Variants in FIGN observed in about 807,000 individuals in gnomAD.
FIGN encodes fidgetin, microtubule severing factor, also known as fidgetin.
FIGN carries 11 observed loss-of-function variants against 51.3 expected under a neutral mutation model. That is an observed-to-expected ratio of 0.21 (90% CI 0.13 to 0.35). The LOEUF is 0.35. FIGN is among the 10% of genes least tolerant of loss of function. The pLI, the probability that FIGN is intolerant of heterozygous loss-of-function variation, is 1.00. For missense variants in FIGN, 857 were observed against 943.6 expected (o/e 0.91, Z 1.20); for synonymous variants, 407 against 363.2 (o/e 1.12, Z -1.37).
chr2:163,733,228 G>A lies in FIGN; in HGVS notation c.25+1675C>T, dbSNP rs1684960023. Among the ~76,000 whole-genome samples the A allele has an allele frequency of 2.0e-5, 3 of 152,086 alleles. 1 individual carries two copies. Among genetic ancestry groups the A allele is most frequent in the Admixed American group, 1.3e-4 (2 of 15,270 alleles). The stretch of plus-strand genomic sequence containing the variant: ...TGACTATTATTTAATAGTAAGCAGA[G>A]ACTTAAGAGGGGGGCAATTTACACA... On this transcript the variant is annotated intron_variant, in intron 2 of 2. Transcript: ENST00000333129.
At chr2:163,720,132 C>G (rs1684733468) in intron 2 of FIGN, among the ~76,000 whole-genome samples, 1 of 152,204 alleles carries the variant, frequency 6.6e-6, no homozygotes, top group African/African-American at 2.4e-5. Flanking sequence ...CAGAATAAGC[C>G]AAGCCCCGTT....
intron 2 of FIGN, among the ~76,000 whole-genome samples, chr2:163,667,472 G>A (rs1390466839): frequency 2.0e-5 from 3 of 151,958 alleles, no homozygotes; most frequent in African/African-American, 7.2e-5. Flanking sequence ...AACCCCTTCT[G>A]TCCAAGGCCT....
rs1691201706 is a variant in FIGN, at chr2:163,610,037, G to A, written c.1795C>T (p.His599Tyr). 3 of 1,613,992 alleles carry A rather than the reference G, an allele frequency of 1.9e-6. No homozygotes were observed. The highest frequency in any genetic ancestry group is 4.5e-5 in the East Asian group (2 of 44,868). ...GTTCTCATCCGACTGACTGGACTAT[G>A]TTCCTCATTCACTTGAGAGGAGAGA... is the stretch of plus-strand genomic sequence containing the variant. ...MLLSSQVNEE[H>Y]SPVSRMRTEF... Residue 599 changes from histidine (H) to tyrosine (Y), a missense_variant, in exon 3 of 3, where the codon CAT (histidine) becomes TAT (tyrosine). Around this residue, in one of 3 missense-constraint regions of FIGN, gnomAD observed 799 missense variants for 849.5 expected, o/e 0.94. Coordinates refer to ENST00000333129, the MANE Select transcript of FIGN (RefSeq NM_018086.4).
At chr2:163,719,233 G>A (rs985350663) in intron 2 of FIGN, among the ~76,000 whole-genome samples, 1 of 152,174 alleles carries the variant, frequency 6.6e-6, no homozygotes, top group African/African-American at 2.4e-5. Context: ...TATTTCTTAA[G>A]TGAATAAAAA....
chr2:163,663,618 C>G (rs1429077035), intron 2 of FIGN, among the ~76,000 whole-genome samples: 1 of 151,622 alleles, frequency 6.6e-6, no homozygotes, highest in African/African-American at 2.4e-5. Context: ...CACGGTGGCT[C>G]ACACCTGTAA....
At chr2:163,612,692 A>ATGTG (rs10678331) in intron 2 of FIGN, 62,319 of 384,982 alleles carry the variant, frequency 0.16, 7,477 homozygotes, top group Admixed American at 0.38. Context: ...AGAGGGGAGA[A>ATGTG]TGTGTGTGTG....
chr2:163,710,004 A>G (rs928580758), intron 2 of FIGN, among the ~76,000 whole-genome samples: 9 of 152,226 alleles, frequency 5.9e-5, no homozygotes, highest in Non-Finnish European at 8.8e-5. Flanking sequence ...ATTAAAACTA[A>G]TAAACAATTG....
chr2:163,616,970 G>T, intron 2 of FIGN: 1 of 358,372 alleles, frequency 2.8e-6, no homozygotes. Flanking sequence ...ACTGCAAACT[G>T]GCCCTGTGCA....
intron 2 of FIGN, among the ~76,000 whole-genome samples, chr2:163,660,726 T>G (rs1170276968): frequency 9.8e-6 from 1 of 102,402 alleles, no homozygotes; most frequent in African/African-American, 4.0e-5. Flanking sequence ...CATATATATG[T>G]ATACACATAT....
intron 2 of FIGN, among the ~76,000 whole-genome samples, chr2:163,692,609 T>C (rs2105346033): frequency 6.6e-6 from 1 of 152,334 alleles, no homozygotes; most frequent in East Asian, 1.9e-4. Context: ...AGGGTTTGAA[T>C]GTCTATTCCT....
At chr2:163,668,215 TA>T (rs1229508312) in intron 2 of FIGN, among the ~76,000 whole-genome samples, 1 of 152,094 alleles carries the variant, frequency 6.6e-6, no homozygotes, top group African/African-American at 2.4e-5. Context: ...AAATAGTATT[TA>T]AAGACACCAT....
intron 2 of FIGN, among the ~76,000 whole-genome samples, chr2:163,654,009 A>C (rs1323642739): frequency 2.0e-5 from 3 of 152,148 alleles, no homozygotes; most frequent in Non-Finnish European, 4.4e-5. Context: ...ATATGAATAT[A>C]AGGATAATTT....
rs1559012264 is a variant in FIGN, at chr2:163,660,725, GTATACA to G, written c.26-48925_26-48920del. ...TATGTATACACATATACATATATAT[GTATACA>G]CATATACATATATATGTATACACAT... On this transcript the variant is annotated intron_variant, in intron 2 of 2. Coordinates refer to ENST00000333129, the MANE Select transcript of FIGN (RefSeq NM_018086.4). Among the ~76,000 whole-genome samples, 36 of 41,828 alleles carry G rather than the reference GTATACA, an allele frequency of 8.6e-4. 3 individuals are homozygous for G. Among genetic ancestry groups the G allele is most frequent in the African/African-American group, 1.7e-3 (33 of 19,136 alleles). 27.4% of individuals were successfully genotyped at this position (41,828 alleles called of 152,430 possible).
rs145736312 is a variant in FIGN, at chr2:163,701,493, C to T, written c.25+33410G>A. Among the ~76,000 whole-genome samples the T allele has an allele frequency of 8.3e-4, 127 of 152,260 alleles. 1 individual carries two copies. The East Asian group carries it at 0.013, about 16-fold the overall frequency. On this transcript the variant is annotated intron_variant, in intron 2 of 2. Transcript: ENST00000333129. ...CAACCAGAGGCTGAGTGTAAAGATA[C>T]TGACAAATCAGTAGAACCTGCGGAT...
intron 2 of FIGN, among the ~76,000 whole-genome samples, chr2:163,720,523 T>G (rs894347570): frequency 1.3e-5 from 2 of 152,192 alleles, no homozygotes; most frequent in African/African-American, 4.8e-5. Flanking sequence ...CTCATCCATT[T>G]TCAATTTTAG....
chr2:163,674,164 T>G (rs187919495), intron 2 of FIGN, among the ~76,000 whole-genome samples: 74 of 152,308 alleles, frequency 4.9e-4, no homozygotes, highest in Middle Eastern at 6.8e-3. Flanking sequence ...CTGAAAAGAT[T>G]GATGAATTTA....
intron 2 of FIGN, among the ~76,000 whole-genome samples, chr2:163,643,932 CAAAAAAAAAAAAA>C (rs1162234909): frequency 9.4e-4 from 18 of 19,070 alleles, no homozygotes; most frequent in African/African-American, 3.1e-3. Context: ...AACTCTGTCT[CAAAAAAAAAAAAA>C]AAAAAAAAAA....
rs556224441 is a variant in FIGN, at chr2:163,608,792, T to A, written c.*760A>T. On this transcript the variant is annotated 3_prime_UTR_variant, in exon 3 of 3. Coordinates refer to ENST00000333129, the MANE Select transcript of FIGN (RefSeq NM_018086.4). ...TGGATACATTCAAAGTAATTTTCCT[T>A]GCTATTTTCCAATTGTTGAGGTAAA... 6.5e-6 allele frequency: 1 copy of A among 152,788 alleles called. No individual in the cohort carries two copies. Among genetic ancestry groups the A allele is most frequent in the East Asian group, 1.9e-4 (1 of 5,192 alleles). 9.5% of individuals were successfully genotyped at this position (152,788 alleles called of 1,614,324 possible). A position where few individuals can be genotyped will look rare whatever the true frequency, so the allele number is the denominator to read the frequency against.
chr2:163,691,818 T>G (rs1206991846), intron 2 of FIGN, among the ~76,000 whole-genome samples: 1 of 152,220 alleles, frequency 6.6e-6, no homozygotes, highest in Non-Finnish European at 1.5e-5. Flanking sequence ...GGAAAATATG[T>G]GCTATAACCA....
Sources: allele counts gnomAD v4.1 joint callset (sites outside exome capture counted in the v4.1 genomes callset), GRCh38; gene constraint gnomAD v4.1.1; regional missense constraint gnomAD v4.1.1; transcripts MANE v1.5; gene names NCBI Gene and HGNC (gene_info 2026-07-23, HGNC 2026-07-21).